Variants in WWC2 observed in about 807,000 individuals in gnomAD.
The protein encoded by WWC2 is protein WWC2.
In WWC2, 101 loss-of-function variants were observed where a neutral mutation model predicts 138.5. The ratio of observed to expected loss-of-function variants is 0.73; its 90% CI spans 0.62 to 0.86. The LOEUF is 0.86. Among genes scored for constraint, WWC2 ranks in the 40% least tolerant of loss-of-function variants. The probability of loss-of-function intolerance (pLI) is 0.00; values close to 1 mark genes in which losing one functional copy is unlikely to be tolerated. For missense variants in WWC2, 1,420 were observed against 1,419.4 expected (o/e 1.00, Z -0.01); for synonymous variants, 558 against 538.4 (o/e 1.04, Z -0.50).
chr4:183,100,462 G>A (rs758317717), intron 1 of WWC2, among the ~76,000 whole-genome samples: 3 of 152,124 alleles, frequency 2.0e-5, no homozygotes, highest in Non-Finnish European at 4.4e-5. Context: ...AAGAATAATA[G>A]GAGGTATTCC....
chr4:183,158,324 G>C (rs576122118), intron 1 of WWC2, among the ~76,000 whole-genome samples: 2 of 152,202 alleles, frequency 1.3e-5, no homozygotes, highest in South Asian at 2.1e-4. Context: ...AAGTAGCACT[G>C]ACTGGGTGGC....
At chr4:183,202,807 C>T (rs1735338957) in intron 2 of WWC2, among the ~76,000 whole-genome samples, 1 of 152,186 alleles carries the variant, frequency 6.6e-6, no homozygotes, top group Non-Finnish European at 1.5e-5. Flanking sequence ...GTTCTAGACA[C>T]AGATGCTCTC....
At chr4:183,113,515 T>TGTGTGTGTGTGC (rs371819502) in intron 1 of WWC2, among the ~76,000 whole-genome samples, 23 of 126,726 alleles carry the variant, frequency 1.8e-4, no homozygotes, top group African/African-American at 6.6e-4. Flanking sequence ...TGTGTGTGTG[T>TGTGTGTGTGTGC]GCGCGCGCGT....
intron 1 of WWC2, among the ~76,000 whole-genome samples, chr4:183,142,444 A>G (rs761256567): frequency 3.3e-5 from 5 of 152,196 alleles, no homozygotes; most frequent in Non-Finnish European, 7.3e-5. Context: ...ATGCACACTA[A>G]TGGAGTAATG....
At chr4:183,159,989 C>A (rs1330820019) in intron 1 of WWC2, among the ~76,000 whole-genome samples, 1 of 152,144 alleles carries the variant, frequency 6.6e-6, no homozygotes, top group Non-Finnish European at 1.5e-5. Context: ...TTGCCTGATT[C>A]TGATGTGCAC....
At chr4:183,106,775 CTT>C (rs934056964) in intron 1 of WWC2, among the ~76,000 whole-genome samples, 3 of 152,020 alleles carry the variant, frequency 2.0e-5, no homozygotes, top group African/African-American at 7.3e-5. Flanking sequence ...ATTTTCATGA[CTT>C]AATAATATTC....
At chr4:183,301,621 GT>G (rs1377155111) in intron 21 of WWC2, among the ~76,000 whole-genome samples, 3 of 152,150 alleles carry the variant, frequency 2.0e-5, no homozygotes, top group Non-Finnish European at 4.4e-5. Flanking sequence ...TGAATAAAGA[GT>G]TTTCATAAAA....
chr4:183,191,530 G>A (rs1293345957), intron 1 of WWC2, among the ~76,000 whole-genome samples: 2 of 152,126 alleles, frequency 1.3e-5, no homozygotes, highest in Admixed American at 1.3e-4. Flanking sequence ...AGGTTGTATA[G>A]TGAGTAAGTG....
chr4:183,228,246 A>G (rs1366662153), intron 4 of WWC2, among the ~76,000 whole-genome samples: 2 of 152,230 alleles, frequency 1.3e-5, no homozygotes, highest in African/African-American at 4.8e-5. Flanking sequence ...AAAAAGGACC[A>G]TGAGTCTGTA....
At chr4:183,305,826 A>G (rs1036429594) in intron 21 of WWC2, among the ~76,000 whole-genome samples, 1 of 152,216 alleles carries the variant, frequency 6.6e-6, no homozygotes, top group Non-Finnish European at 1.5e-5. Flanking sequence ...ACAAAGGAAG[A>G]GCATTGAAAA....
At chr4:183,282,389 T>C (rs1738103975) in intron 17 of WWC2, among the ~76,000 whole-genome samples, 1 of 152,212 alleles carries the variant, frequency 6.6e-6, no homozygotes, top group African/African-American at 2.4e-5. Context: ...TTATAGTGAG[T>C]GTCAATATTT....
intron 1 of WWC2, 108 bp from the exon 2 acceptor site, chr4:183,193,491 C>A (rs878902167): frequency 8.5e-6 from 7 of 824,674 alleles, no homozygotes; most frequent in Non-Finnish European, 1.3e-5. Context: ...TTTTTTTTTT[C>A]TTTAAGATTT....
chr4:183,117,313 TG>T (rs1328531003), intron 1 of WWC2, among the ~76,000 whole-genome samples: 1 of 149,336 alleles, frequency 6.7e-6, no homozygotes, highest in Non-Finnish European at 1.5e-5. Context: ...CTCTGCCTCC[TG>T]GGTTTAAGCG....
At chr4:183,291,055 G>T (rs563840697) in intron 21 of WWC2, among the ~76,000 whole-genome samples, 1 of 152,194 alleles carries the variant, frequency 6.6e-6, no homozygotes, top group African/African-American at 2.4e-5. Flanking sequence ...CAGTAGGACC[G>T]GTGTTTGCTC....
intron 6 of WWC2, among the ~76,000 whole-genome samples, chr4:183,248,373 A>T (rs1736862260): frequency 6.6e-6 from 1 of 152,228 alleles, no homozygotes; most frequent in South Asian, 2.1e-4. Context: ...TTTCAGCTGC[A>T]TGAAGTGAGT....
At chr4:183,108,682 C>G (rs1374049563) in intron 1 of WWC2, among the ~76,000 whole-genome samples, 2 of 151,938 alleles carry the variant, frequency 1.3e-5, no homozygotes, top group Non-Finnish European at 2.9e-5. Context: ...GTGATCTCGG[C>G]TCACTGCAGC....
In WWC2 at chr4:183,210,665, CAG is replaced by C. The variant is rs368748695; in HGVS notation, c.522+1643_522+1644del. Among the ~76,000 whole-genome samples, 116 of 152,202 alleles carry C rather than the reference CAG, an allele frequency of 7.6e-4. 3 individuals carry two copies. The East Asian group carries it at 0.021, about 28-fold the overall frequency. ...CAATTCCCTTGTCCTGTGAACATCA[CAG>C]AGTATACTAATGCAAGCCCGTATCA... On this transcript the variant is annotated intron_variant, in intron 4 of 22. Coordinates refer to ENST00000403733, the MANE Select transcript of WWC2 (RefSeq NM_024949.6).
chr4:183,247,223 C>T (rs1736806229), intron 6 of WWC2, among the ~76,000 whole-genome samples: 1 of 151,914 alleles, frequency 6.6e-6, no homozygotes, highest in South Asian at 2.1e-4. Flanking sequence ...ATGAATTTCA[C>T]AGAAATATGC....
At chr4:183,118,384 C>T (rs41403047) in intron 1 of WWC2, among the ~76,000 whole-genome samples, 4,635 of 152,196 alleles carry the variant, frequency 0.03, 247 homozygotes, top group African/African-American at 0.11. Flanking sequence ...ATCCCTGTTA[C>T]AGGTTGCTGC....
Sources: allele counts gnomAD v4.1 joint callset (sites outside exome capture counted in the v4.1 genomes callset), GRCh38; gene constraint gnomAD v4.1.1; transcripts MANE v1.5; gene names NCBI Gene and HGNC (gene_info 2026-07-23, HGNC 2026-07-21).